Variants in LRMDA observed in about 807,000 individuals in gnomAD.
LRMDA encodes leucine rich melanocyte differentiation associated, also known as leucine-rich melanocyte differentiation-associated protein.
In LRMDA, 18 loss-of-function variants were observed where a neutral mutation model predicts 29.8. The ratio of observed to expected loss-of-function variants is 0.60; its 90% CI spans 0.42 to 0.90. The LOEUF (loss-of-function observed/expected upper bound fraction) is 0.90. LRMDA is among the 40% of genes least tolerant of loss of function. The probability of loss-of-function intolerance (pLI) is 0.00; values close to 1 mark genes in which losing one functional copy is unlikely to be tolerated. For synonymous variants in LRMDA, 125 were observed against 109.4 expected (o/e 1.14, Z -0.89); for missense variants, 273 against 273.9 (o/e 1.00, Z 0.02).
rs937717180 is a variant in LRMDA at position 75,875,440 on chromosome 10, C to CT, written c.132-160558dup. 4.8e-3 allele frequency among the ~76,000 whole-genome samples: 713 copies of CT among 149,104 alleles called. 6 individuals are homozygous for CT. The highest frequency in any genetic ancestry group is 0.025 in the East Asian group (130 of 5,108). On this transcript the variant is annotated intron_variant, in intron 2 of 6. Coordinates refer to ENST00000611255, the MANE Select transcript of LRMDA (RefSeq NM_001305581.2). ...TCTTTCCTTTTCTGTTTTTCTTTTT[C>CT]TTTTTTTTTTGAGACGCAGATTCAC...
chr10:75,559,161 G>T (rs1331234645), intron 2 of LRMDA, among the ~76,000 whole-genome samples: 1 of 152,120 alleles, frequency 6.6e-6, no homozygotes, highest in Non-Finnish European at 1.5e-5. Flanking sequence ...GTGTAAAAGT[G>T]TTCCTATTTC....
At chr10:76,447,741 C>G (rs1469181268) in intron 6 of LRMDA, among the ~76,000 whole-genome samples, 2 of 152,116 alleles carry the variant, frequency 1.3e-5, no homozygotes, top group Non-Finnish European at 2.9e-5. Flanking sequence ...GGTTGGAGAC[C>G]CTACGAGTTT....
chr10:76,243,951 A>G (rs930681590), intron 5 of LRMDA, among the ~76,000 whole-genome samples: 1 of 152,174 alleles, frequency 6.6e-6, no homozygotes, highest in South Asian at 2.1e-4. Flanking sequence ...AAATCGAATG[A>G]CAAGTGTCCT....
At chr10:76,454,972 CA>C (rs1842443112) in intron 6 of LRMDA, among the ~76,000 whole-genome samples, 1 of 152,178 alleles carries the variant, frequency 6.6e-6, no homozygotes, top group Non-Finnish European at 1.5e-5. Flanking sequence ...AGAGCAACCA[CA>C]TGAGTACAGA....
At chr10:75,713,954 C>T (rs565923142) in intron 2 of LRMDA, among the ~76,000 whole-genome samples, 2 of 152,134 alleles carry the variant, frequency 1.3e-5, no homozygotes, top group African/African-American at 4.8e-5. Context: ...TTAAAGTTTG[C>T]TGGTTTACAT....
At chr10:76,431,180 A>C (rs2132283199) in intron 6 of LRMDA, among the ~76,000 whole-genome samples, 1 of 152,278 alleles carries the variant, frequency 6.6e-6, no homozygotes, top group Admixed American at 6.5e-5. Context: ...AGATCTAAAT[A>C]TTTTCTGAAT....
intron 2 of LRMDA, among the ~76,000 whole-genome samples, chr10:75,538,065 A>C (rs748327351): frequency 3.9e-5 from 6 of 152,194 alleles, no homozygotes; most frequent in Non-Finnish European, 8.8e-5. Context: ...GCTCCACCAC[A>C]GTATACGGTT....
At chr10:75,912,168 C>T (rs1845852849) in intron 2 of LRMDA, among the ~76,000 whole-genome samples, 1 of 152,172 alleles carries the variant, frequency 6.6e-6, no homozygotes, top group Non-Finnish European at 1.5e-5. Context: ...CACCATTACT[C>T]ATTTCCCCCC....
rs1256734972 is a variant in LRMDA, at chr10:76,036,092, A to G, written c.216A>G (p.Pro72=). The G allele has an allele frequency of 1.9e-6, 3 of 1,613,984 alleles. No individual in the cohort carries two copies. The highest frequency in any genetic ancestry group is 2.5e-6 in the Non-Finnish European group (3 of 1,180,044). ...NNQLGDDLVL[P]GLPRLHTLTL... ...AGCTGGGGGACGACCTTGTGTTGCCAGGGTTACCCAGACTGCATACCTTAA... is the reference window on the plus strand; with the variant it reads ...AGCTGGGGGACGACCTTGTGTTGCCGGGGTTACCCAGACTGCATACCTTAA... Residue 72 remains proline, a synonymous_variant, in exon 3 of 7, where the codon CCA becomes CCG. Coordinates refer to ENST00000611255, the MANE Select transcript of LRMDA (RefSeq NM_001305581.2).
intron 2 of LRMDA, among the ~76,000 whole-genome samples, chr10:75,684,749 TG>T (rs1205059779): frequency 6.6e-6 from 1 of 152,296 alleles, no homozygotes; most frequent in Admixed American, 6.5e-5. Context: ...AGTGGAAGAA[TG>T]GGCCAAAGAG....
chr10:75,912,177 C>T (rs749284886), intron 2 of LRMDA, among the ~76,000 whole-genome samples: 1 of 152,116 alleles, frequency 6.6e-6, no homozygotes, highest in Admixed American at 6.5e-5. Flanking sequence ...TCATTTCCCC[C>T]CCTTCCCTTT....
intron 2 of LRMDA, among the ~76,000 whole-genome samples, chr10:75,492,285 G>A (rs1168645581): frequency 1.3e-5 from 2 of 152,162 alleles, no homozygotes; most frequent in African/African-American, 4.8e-5. Context: ...TCTGTAATGA[G>A]CCTGCAACAG....
chr10:75,518,845 A>G (rs1845325321), intron 2 of LRMDA, among the ~76,000 whole-genome samples: 1 of 152,212 alleles, frequency 6.6e-6, no homozygotes, highest in African/African-American at 2.4e-5. Context: ...ACTTAGTGCT[A>G]TAAATTTCCC....
chr10:76,139,461 G>C (rs1850159253), intron 5 of LRMDA, among the ~76,000 whole-genome samples: 3 of 151,824 alleles, frequency 2.0e-5, no homozygotes, highest in Non-Finnish European at 4.4e-5. Flanking sequence ...ACTTACTCTG[G>C]TTTCAAATAT....
At chr10:75,467,900 G>T (rs770869758) in intron 2 of LRMDA, among the ~76,000 whole-genome samples, 1 of 151,378 alleles carries the variant, frequency 6.6e-6, no homozygotes, top group Non-Finnish European at 1.5e-5. Context: ...GGTGGAGGTT[G>T]CAGTGAGCCG....
At chr10:75,562,368 G>C (rs1372564551) in intron 2 of LRMDA, among the ~76,000 whole-genome samples, 1 of 151,312 alleles carries the variant, frequency 6.6e-6, no homozygotes, top group African/African-American at 2.4e-5. Flanking sequence ...GCCTTTTTTT[G>C]TTTTCCATTT....
intron 2 of LRMDA, among the ~76,000 whole-genome samples, chr10:75,621,242 ACAC>A (rs1278263628): frequency 6.7e-6 from 1 of 148,540 alleles, no homozygotes; most frequent in Non-Finnish European, 1.5e-5. Context: ...ACCCACACAC[ACAC>A]CACATTTTCT....
At chr10:75,861,979 GATT>G (rs1416974674) in intron 2 of LRMDA, among the ~76,000 whole-genome samples, 7 of 152,118 alleles carry the variant, frequency 4.6e-5, no homozygotes, top group South Asian at 4.2e-4. Context: ...TCCCCCCCAA[GATT>G]CTTGAGATAT....
intron 2 of LRMDA, among the ~76,000 whole-genome samples, chr10:75,966,610 A>T (rs1490816053): frequency 6.6e-6 from 1 of 152,220 alleles, no homozygotes; most frequent in Non-Finnish European, 1.5e-5. Context: ...CTAACAAATG[A>T]GTGAATCCAT....
Sources: allele counts gnomAD v4.1 joint callset (sites outside exome capture counted in the v4.1 genomes callset), GRCh38; gene constraint gnomAD v4.1.1; transcripts MANE v1.5; gene names NCBI Gene and HGNC (gene_info 2026-07-23, HGNC 2026-07-21).